The following CHD1 variants were observed in gnomAD, a reference collection of about 807,000 sequenced individuals.
The protein encoded by CHD1 is chromodomain helicase DNA binding protein 1, also known as ATP-dependent chromatin remodeler CHD1.
In CHD1, 36 loss-of-function variants were observed where a neutral mutation model predicts 224.2. The ratio of observed to expected loss-of-function variants is 0.16; its 90% CI spans 0.12 to 0.21. CHD1 has a LOEUF of 0.21. Ranked by LOEUF, CHD1 falls within the 10% of genes least tolerant of loss-of-function variation. The pLI, the probability that CHD1 is intolerant of heterozygous loss-of-function variation, is 1.00. For missense variants in CHD1, 1,378 were observed against 1,994.8 expected (o/e 0.69, Z 5.89); for synonymous variants, 668 against 658.3 (o/e 1.01, Z -0.23).
At chr5:98,903,270 A>G (rs898684084) in intron 4 of CHD1, among the ~76,000 whole-genome samples, 13 of 152,272 alleles carry the variant, frequency 8.5e-5, no homozygotes, top group African/African-American at 2.4e-4. Context: ...CTAGGTGCCA[A>G]CATGCCAAAT....
At chr5:98,874,683 G>C (rs1399846975) in intron 25 of CHD1, among the ~76,000 whole-genome samples, 2 of 150,416 alleles carry the variant, frequency 1.3e-5, no homozygotes, top group African/African-American at 2.5e-5. Context: ...CTGCACTCCA[G>C]CCTGGGAGAC....
intron 2 of CHD1, among the ~76,000 whole-genome samples, chr5:98,905,600 T>A (rs1751997098): frequency 6.6e-6 from 1 of 152,154 alleles, no homozygotes; most frequent in Non-Finnish European, 1.5e-5. Flanking sequence ...TCTCTATCAC[T>A]CCAGGAGAAC....
intron 32 of CHD1, 82 bp from the exon 33 acceptor site, chr5:98,860,150 GCA>G (rs1561476252): frequency 1.3e-6 from 1 of 741,196 alleles, no homozygotes; most frequent in Non-Finnish European, 2.4e-6. Context: ...TTCCCTCCAG[GCA>G]CAAACACATA....
intron 24 of CHD1, among the ~76,000 whole-genome samples, chr5:98,875,421 C>A (rs963778678): frequency 2.6e-5 from 4 of 152,122 alleles, no homozygotes; most frequent in African/African-American, 9.7e-5. Context: ...TCTGAAGCTA[C>A]CACAGGAAGT....
At chr5:98,912,733 C>T (rs530980662) in intron 2 of CHD1, among the ~76,000 whole-genome samples, 1 of 152,226 alleles carries the variant, frequency 6.6e-6, no homozygotes, top group South Asian at 2.1e-4. Flanking sequence ...GTCACCTCGG[C>T]AAGTGCTAGT....
At chr5:98,887,974 A>C (rs1235046387) in intron 17 of CHD1, 114 bp downstream of exon 17, 26 of 589,794 alleles carry the variant, frequency 4.4e-5, no homozygotes, top group Non-Finnish European at 6.2e-5. Context: ...TTTTAAAGAA[A>C]AAGTACAGTT....
At position 98,856,678 on chromosome 5, in the gene CHD1, C is replaced by T. The variant is rs1245937957; in HGVS notation, c.4835G>A (p.Ser1612Asn). The change falls in exon 36 of 36, where the codon AGT (serine) becomes AAT (asparagine). Residue 1612 changes from serine (S) to asparagine (N), a missense_variant. Ser to Asn is a conservative substitution (Grantham distance 46). Coordinates refer to ENST00000614616, the MANE Select transcript of CHD1 (RefSeq NM_001270.4). Reference sequence around the variant, plus strand: ...TTCCAAATTTGACCTGTGATCTCTACTCCTGTGATCATCCAGTTTTCTGTG... The same window carrying T: ...TTCCAAATTTGACCTGTGATCTCTATTCCTGTGATCATCCAGTTTTCTGTG... ...EKHRKLDDHRSRDHRSNLEGS... is the reference protein window; with the variant it reads ...EKHRKLDDHRNRDHRSNLEGS... The T allele has an allele frequency of 1.2e-6, 2 of 1,612,152 alleles. No homozygotes were observed. Among genetic ancestry groups the T allele is most frequent in the Non-Finnish European group, 8.5e-7 (1 of 1,178,472 alleles).
chr5:98,872,757 A>G (rs1749448623), intron 26 of CHD1, among the ~76,000 whole-genome samples: 1 of 152,170 alleles, frequency 6.6e-6, no homozygotes, highest in Admixed American at 6.5e-5. Flanking sequence ...CACGAAAAGT[A>G]TTTCTCTAAG....
chr5:98,873,783 A>T, intron 25 of CHD1, 60 bp from the exon 26 acceptor site: 1 of 1,489,072 alleles, frequency 6.7e-7, no homozygotes, highest in South Asian at 1.3e-5. Flanking sequence ...GCCATTTAAG[A>T]TTAAGTTTCA....
At chr5:98,919,079 G>C (rs1400279258) in intron 2 of CHD1, among the ~76,000 whole-genome samples, 1 of 152,176 alleles carries the variant, frequency 6.6e-6, no homozygotes, top group Non-Finnish European at 1.5e-5. Flanking sequence ...GCAAGATGCT[G>C]AATGACTACA....
At chr5:98,883,604 C>T (rs1750360392) in intron 18 of CHD1, among the ~76,000 whole-genome samples, 1 of 151,768 alleles carries the variant, frequency 6.6e-6, no homozygotes, top group Non-Finnish European at 1.5e-5. Context: ...AATCCCACTA[C>T]TGAGTATCTG....
At chr5:98,882,169 G>A in intron 19 of CHD1, 46 bp from the exon 20 acceptor site, 1 of 1,551,386 alleles carries the variant, frequency 6.4e-7, no homozygotes, top group South Asian at 1.2e-5. Context: ...TAAAGGATTT[G>A]TTTTGCTAAC....
chr5:98,866,880 C>T (rs1014042666), intron 31 of CHD1, among the ~76,000 whole-genome samples: 5 of 152,046 alleles, frequency 3.3e-5, no homozygotes, highest in African/African-American at 1.2e-4. Flanking sequence ...ATTATTTCTT[C>T]CTGGTTTTGC....
Position 98,856,443 on chromosome 5 carries a change from T to C in CHD1, c.5070A>G (p.Pro1690=). The change falls in exon 36 of 36, where the codon CCA becomes CCG. Residue 1690 remains proline, a synonymous_variant. Transcript: ENST00000614616. ...TTTTGTGTTCAACTGAATGTTCAAA[T>C]GGAGATCTGGAGCCATAAGGAGATC... ...DQRSPYGSRS[P]FEHSVEHKST... is the part of the protein sequence containing the mutation. 6.2e-7 allele frequency: 1 copy of C among 1,605,822 alleles called. No individual in the cohort carries two copies. Among genetic ancestry groups the C allele is most frequent in the East Asian group, 2.2e-5 (1 of 44,856 alleles).
intron 9 of CHD1, 97 bp from the exon 10 acceptor site, chr5:98,898,531 A>T: frequency 7.9e-7 from 1 of 1,263,832 alleles, no homozygotes; most frequent in Non-Finnish European, 1.1e-6. Context: ...AGTAAAATTT[A>T]GCTATCTAGT....
At chr5:98,884,198 C>T (rs1388125831) in intron 18 of CHD1, among the ~76,000 whole-genome samples, 1 of 151,482 alleles carries the variant, frequency 6.6e-6, no homozygotes, top group Non-Finnish European at 1.5e-5. Context: ...TTCAGCCTCC[C>T]GAGTAGCTGG....
chr5:98,858,352 TATC>T lies in CHD1; in HGVS notation c.4612_4614del (p.Asp1538del), dbSNP rs759098108. The T allele has an allele frequency of 6.2e-6, 10 of 1,613,006 alleles. No homozygotes were observed. In the African/African-American group the frequency reaches 1.3e-4, roughly 22 times the overall value. ...TCAGAGGAATAACTGTCCCTGCTGCTATCATCGTGATTTGTATTCTCTTTTAAT... is the reference window on the plus strand; with the variant it reads ...TCAGAGGAATAACTGTCCCTGCTGCTATCGTGATTTGTATTCTCTTTTAAT... On this transcript the variant is annotated inframe_deletion, in exon 35 of 36. Transcript: ENST00000614616.
In CHD1 at chr5:98,856,440, A is replaced by G; in HGVS notation, c.5073T>C (p.Phe1691=). The G allele has an allele frequency of 6.2e-7, 1 of 1,609,102 alleles. No individual in the cohort carries two copies. The highest frequency in any genetic ancestry group is 8.5e-7 in the Non-Finnish European group (1 of 1,178,176). ...QRSPYGSRSP[F]EHSVEHKSTP... ...TACTTTTGTGTTCAACTGAATGTTC[A>G]AATGGAGATCTGGAGCCATAAGGAG... The change falls in exon 36 of 36, where the codon TTT becomes TTC. Residue 1691 remains phenylalanine (F), a synonymous_variant. Coordinates refer to ENST00000614616, the MANE Select transcript of CHD1 (RefSeq NM_001270.4).
At chr5:98,923,128 C>G (rs1753215875) in intron 2 of CHD1, among the ~76,000 whole-genome samples, 1 of 152,078 alleles carries the variant, frequency 6.6e-6, no homozygotes, top group South Asian at 2.1e-4. Flanking sequence ...TTTGTAATGT[C>G]TTATGACAAA....
Sources: gnomAD v4.1 joint callset for allele counts (sites outside exome capture counted in the v4.1 genomes callset) on GRCh38, gnomAD v4.1.1 for gene constraint, MANE v1.5 for transcripts, NCBI Gene and HGNC (gene_info 2026-07-23, HGNC 2026-07-21) for gene names.